Variants in NXPE4 observed in about 807,000 individuals in gnomAD.
NXPE4 encodes NXPE family member 4.
In NXPE4, 42 loss-of-function variants were observed where a neutral mutation model predicts 33.3. That is an observed-to-expected ratio of 1.26 (90% confidence interval 0.98 to 1.63). The LOEUF (loss-of-function observed/expected upper bound fraction) is 1.63, where lower values mean the gene tolerates loss of function less well. NXPE4 is among the 40% of genes most tolerant of loss of function. NXPE4 has a pLI of 0.00. For synonymous variants in NXPE4, 253 were observed against 234.9 expected (o/e 1.08, Z -0.71); for missense variants, 709 against 647.6 (o/e 1.09, Z -1.03).
At chr11:114,672,105 A>G in the NXPE4 span, among the ~76,000 whole-genome samples, 2 of 151,996 alleles carry the variant, frequency 1.3e-5, no homozygotes, top group East Asian at 3.9e-4. Context: ...AGATCTCATG[A>G]GAACTCTAGT....
chr11:114,670,064 A>C, the NXPE4 span, among the ~76,000 whole-genome samples: 3 of 152,096 alleles, frequency 2.0e-5, no homozygotes, highest in Admixed American at 2.0e-4. Flanking sequence ...CTATAGAATT[A>C]GAACAAACCT....
At chr11:114,572,059 A>G (rs1948901822) in intron 5 of NXPE4, among the ~76,000 whole-genome samples, 1 of 152,164 alleles carries the variant, frequency 6.6e-6, no homozygotes, top group Admixed American at 6.6e-5. Flanking sequence ...AGACCTGAAG[A>G]TGGGTCACAT....
the NXPE4 span, among the ~76,000 whole-genome samples, chr11:114,620,045 C>T: frequency 9.2e-5 from 14 of 152,098 alleles, no homozygotes; most frequent in East Asian, 3.9e-4. Context: ...ACTACTGCCT[C>T]GTGGGTAACC....
the NXPE4 span, among the ~76,000 whole-genome samples, chr11:114,627,864 G>A: frequency 2.6e-5 from 4 of 151,358 alleles, no homozygotes; most frequent in African/African-American, 9.7e-5. Flanking sequence ...TGCAGGGATT[G>A]CAATCCTAGT....
chr11:114,592,617 A>G (rs1949482841), intron 2 of NXPE4, among the ~76,000 whole-genome samples: 1 of 152,162 alleles, frequency 6.6e-6, no homozygotes, highest in South Asian at 2.1e-4. Flanking sequence ...AAAGCAATCT[A>G]CAGATTCAAG....
the NXPE4 span, among the ~76,000 whole-genome samples, chr11:114,662,477 G>T: frequency 6.6e-6 from 1 of 152,166 alleles, no homozygotes; most frequent in African/African-American, 2.4e-5. Context: ...CACAAGGACT[G>T]CAACTTTTAG....
chr11:114,578,530 C>T (rs150759521), intron 5 of NXPE4, among the ~76,000 whole-genome samples: 46 of 152,282 alleles, frequency 3.0e-4, no homozygotes, highest in African/African-American at 1.0e-3. Flanking sequence ...CAATTTAAAG[C>T]TCTTCCTTCC....
At chr11:114,625,249 C>T in the NXPE4 span, among the ~76,000 whole-genome samples, 1,479 of 152,236 alleles carry the variant, frequency 9.7e-3, 28 homozygotes, top group African/African-American at 0.033. Flanking sequence ...TCGTGGGTTA[C>T]CACTGTTTCC....
the NXPE4 span, among the ~76,000 whole-genome samples, chr11:114,661,651 A>G: frequency 6.6e-6 from 1 of 152,198 alleles, no homozygotes; most frequent in African/African-American, 2.4e-5. Flanking sequence ...TCTTTATCTC[A>G]GGATTTTGCA....
At chr11:114,615,204 C>A in the NXPE4 span, among the ~76,000 whole-genome samples, 1 of 151,948 alleles carries the variant, frequency 6.6e-6, no homozygotes, top group African/African-American at 2.4e-5. Flanking sequence ...CCACTGTTAG[C>A]CGGTGGATAC....
the NXPE4 span, among the ~76,000 whole-genome samples, chr11:114,622,808 C>T: frequency 9.9e-5 from 15 of 152,208 alleles, no homozygotes; most frequent in Middle Eastern, 3.4e-3. Flanking sequence ...AGTATTGCCT[C>T]ATGGGTTACC....
At chr11:114,584,238 T>C in intron 2 of NXPE4, 1 of 444,828 alleles carries the variant, frequency 2.2e-6, no homozygotes, top group Non-Finnish European at 4.5e-6. Context: ...CTAATGAGCC[T>C]TCATACAATG....
the NXPE4 span, among the ~76,000 whole-genome samples, chr11:114,647,972 T>G: frequency 6.6e-6 from 1 of 152,166 alleles, no homozygotes; most frequent in African/African-American, 2.4e-5. Context: ...AGTTCTGGGA[T>G]TACAGGCATG....
At chr11:114,655,131 A>G in the NXPE4 span, among the ~76,000 whole-genome samples, 3 of 152,108 alleles carry the variant, frequency 2.0e-5, no homozygotes, top group African/African-American at 7.2e-5. Flanking sequence ...TTCTTTCGAG[A>G]AGTGTCTGTT....
chr11:114,638,398 C>T, the NXPE4 span, among the ~76,000 whole-genome samples: 1 of 151,888 alleles, frequency 6.6e-6, no homozygotes, highest in Non-Finnish European at 1.5e-5. Context: ...AACTTCTTTG[C>T]CTTCGGTTTG....
In NXPE4 at chr11:114,591,570, C is replaced by A. The variant is rs535679358; in HGVS notation, c.96+3094G>T. 6.6e-4 allele frequency among the ~76,000 whole-genome samples: 101 copies of A among 152,186 alleles called. 2 individuals carry two copies. In the South Asian group the frequency reaches 0.018, roughly 28 times the overall value. On this transcript the variant is annotated intron_variant, in intron 2 of 5. Transcript: ENST00000375478. ...GGAAGGCTTCATAAAAGAAATTAAGCCTCAGTACTCCCCTGCAAAAATAGA... is the reference window on the plus strand; with the variant it reads ...GGAAGGCTTCATAAAAGAAATTAAGACTCAGTACTCCCCTGCAAAAATAGA...
intron 5 of NXPE4, among the ~76,000 whole-genome samples, chr11:114,578,850 C>A (rs1949071632): frequency 6.6e-6 from 1 of 152,138 alleles, no homozygotes; most frequent in South Asian, 2.1e-4. Context: ...TTATCCCTGA[C>A]CCTTAAATTA....
Position 114,571,046 on chromosome 11 carries a change from A to G in NXPE4, c.1527T>C (p.Ser509=). 6.2e-7 allele frequency: 1 copy of G among 1,613,618 alleles called. No homozygotes were observed. Among genetic ancestry groups the G allele is most frequent in the African/African-American group, 1.3e-5 (1 of 75,030 alleles). Residue 509 remains serine (S), a synonymous_variant, in exon 6 of 6, where the codon AGT becomes AGC. Coordinates refer to ENST00000375478, the MANE Select transcript of NXPE4 (RefSeq NM_001077639.2). Reference sequence around the variant, plus strand: ...TTGTTATATCCCAGGCATCAATGATACTCACACTGAGATCCTGGAAAATGT... The same window carrying G: ...TTGTTATATCCCAGGCATCAATGATGCTCACACTGAGATCCTGGAAAATGT... ...IKDIFQDLSV[S]IIDAWDITIA...
intron 2 of NXPE4, chr11:114,583,696 T>A: frequency 1.7e-6 from 1 of 575,368 alleles, no homozygotes; most frequent in Non-Finnish European, 3.5e-6. Flanking sequence ...TCAAGGCATC[T>A]GGCTTCTGTT....
Sources: allele counts gnomAD v4.1 joint callset (sites outside exome capture counted in the v4.1 genomes callset), GRCh38; gene constraint gnomAD v4.1.1; transcripts MANE v1.5; gene names NCBI Gene and HGNC (gene_info 2026-07-23, HGNC 2026-07-21).